DAG1: variants seen among roughly 807,000 people sequenced by gnomAD.
DAG1 encodes the protein dystroglycan 1 (dystrophin-associated glycoprotein 1).
Under a neutral mutation model 46.1 loss-of-function variants are expected in DAG1, and 8 were observed. That is an observed-to-expected ratio of 0.17 (90% confidence interval 0.10 to 0.31). The LOEUF (loss-of-function observed/expected upper bound fraction) is 0.31, where lower values mean the gene tolerates loss of function less well. DAG1 is among the 10% of genes least tolerant of loss of function. The pLI is 1.00. For synonymous variants in DAG1, 495 were observed against 481.8 expected, an observed-to-expected ratio of 1.03 and a Z score of -0.36; for missense variants, 1,003 against 1,189.9, an observed-to-expected ratio of 0.84 and a Z score of 2.31.
intron 2 of DAG1, among the ~76,000 whole-genome samples, chr3:49,515,574 A>G (rs2107703770): frequency 1.3e-5 from 2 of 151,124 alleles, no homozygotes; most frequent in Admixed American, 1.3e-4. Context: ...TTTTGTAGAG[A>G]TGGGTCTCAC....
chr3:49,524,808 C>A (rs964860369), intron 2 of DAG1, among the ~76,000 whole-genome samples: 3 of 151,872 alleles, frequency 2.0e-5, no homozygotes, highest in Non-Finnish European at 2.9e-5. Context: ...TATAATGAGA[C>A]CCTGTCTCTA....
intron 2 of DAG1, among the ~76,000 whole-genome samples, chr3:49,525,059 G>A (rs1455308064): frequency 6.6e-6 from 1 of 152,110 alleles, no homozygotes; most frequent in African/African-American, 2.4e-5. Flanking sequence ...CACTCAAAGT[G>A]CTGCTTGGGC....
At chr3:49,514,672 C>G (rs1271446646) in intron 2 of DAG1, among the ~76,000 whole-genome samples, 1 of 151,280 alleles carries the variant, frequency 6.6e-6, no homozygotes, top group East Asian at 2.0e-4. Context: ...GAGTTTCGCT[C>G]TTGTCGCCCA....
intron 2 of DAG1, among the ~76,000 whole-genome samples, chr3:49,519,348 G>A (rs1470798087): frequency 6.6e-6 from 1 of 152,172 alleles, no homozygotes; most frequent in East Asian, 1.9e-4. Flanking sequence ...CTTCTTGCCT[G>A]CAGACAATGT....
At chr3:49,503,177 G>T (rs2050504719) in intron 1 of DAG1, among the ~76,000 whole-genome samples, 1 of 152,162 alleles carries the variant, frequency 6.6e-6, no homozygotes, top group Non-Finnish European at 1.5e-5. Flanking sequence ...GTCTTCTCCA[G>T]GGTGCTAGGG....
At chr3:49,516,908 C>T (rs144241408) in intron 2 of DAG1, among the ~76,000 whole-genome samples, 1 of 150,472 alleles carries the variant, frequency 6.6e-6, no homozygotes, top group East Asian at 2.0e-4. Context: ...TTTTAGATGA[C>T]AAAGTGGTAG....
intron 2 of DAG1, among the ~76,000 whole-genome samples, chr3:49,530,595 A>G (rs1022194003): frequency 1.3e-5 from 2 of 152,146 alleles, no homozygotes; most frequent in East Asian, 1.9e-4. Context: ...TTTGCCTCCC[A>G]AGTTAGCCCA....
chr3:49,481,723 A>G (rs1575345141), intron 1 of DAG1, among the ~76,000 whole-genome samples: 1 of 152,204 alleles, frequency 6.6e-6, no homozygotes, highest in East Asian at 1.9e-4. Flanking sequence ...GATATGTCGT[A>G]TTCAGGGAAA....
At chr3:49,493,065 G>A (rs1409858070) in intron 1 of DAG1, 1 of 88,414 alleles carries the variant, frequency 1.1e-5, no homozygotes, top group Non-Finnish European at 2.0e-5. Context: ...TTTTTGAGAC[G>A]ACAGGGTCTT....
At chr3:49,471,254 A>G (rs188043027) in intron 1 of DAG1, among the ~76,000 whole-genome samples, 2 of 152,162 alleles carry the variant, frequency 1.3e-5, no homozygotes, top group African/African-American at 4.8e-5. Flanking sequence ...TGCTTCCCTA[A>G]ATAAGCGAGT....
At chr3:49,506,334 A>G (rs929400656) in intron 1 of DAG1, among the ~76,000 whole-genome samples, 2 of 152,210 alleles carry the variant, frequency 1.3e-5, no homozygotes, top group African/African-American at 4.8e-5. Flanking sequence ...ATTATGTTGT[A>G]TATGAATGGT....
At position 49,500,213 on chromosome 3, in the gene DAG1, A is replaced by C. The variant is rs556697031; in HGVS notation, c.-116-10206A>C. Among the ~76,000 whole-genome samples the C allele has an allele frequency of 3.9e-5, 6 of 152,208 alleles. No individual in the cohort carries two copies. In the South Asian group the frequency reaches 1.0e-3, roughly 26 times the overall value. ...TTTTTAGTAGAGATGGGGTTTCACC[A>C]TGTTGGCCGGGCTGGTCTTGAACTC... On this transcript the variant is annotated intron_variant, in intron 1 of 2. Coordinates refer to ENST00000308775, the MANE Select transcript of DAG1 (RefSeq NM_004393.6).
At chr3:49,522,451 A>T (rs1018867277) in intron 2 of DAG1, among the ~76,000 whole-genome samples, 2 of 144,550 alleles carry the variant, frequency 1.4e-5, no homozygotes, top group Non-Finnish European at 3.0e-5. Context: ...GGCTTGAGCC[A>T]CCACGCCCGC....
rs758190062 is a variant in DAG1, at chr3:49,531,598, C to G, written c.1087C>G (p.Pro363Ala). Residue 363 changes from proline (P) to alanine (A), a missense_variant, in exon 3 of 3, where the codon CCT (proline) becomes GCT (alanine). By Grantham distance (27) the Pro-to-Ala change is conservative. Coordinates refer to ENST00000308775, the MANE Select transcript of DAG1 (RefSeq NM_004393.6). This position sits in a 1 kb window ranked among gnomAD's most constrained non-coding sequence, Gnocchi z 7.0. ...GGCTCCTCCAGTCAGGGATCCTGTT[C>G]CTGGGAAACCCACGGTCACCATCCG... ...TMAPPVRDPV[P>A]GKPTVTIRTR... 3 of 1,613,110 alleles carry G rather than the reference C, an allele frequency of 1.9e-6. No individual in the cohort carries two copies. In the Admixed American group the frequency reaches 5.0e-5, roughly 27 times the overall value.
In DAG1 at chr3:49,510,642, A is replaced by C. The variant is rs1289056506; in HGVS notation, c.108A>C (p.Ser36=). ...MAQSHWPSEP[S]EAVRDWENQL... is the part of the protein sequence containing the mutation. Reference sequence around the variant, plus strand: ...AGTCCCACTGGCCCAGTGAACCCTCAGAGGCTGTCAGGGACTGGGAAAACC... The same window carrying C: ...AGTCCCACTGGCCCAGTGAACCCTCCGAGGCTGTCAGGGACTGGGAAAACC... Residue 36 remains serine (S), a synonymous_variant, in exon 2 of 3, where the codon TCA becomes TCC. Transcript: ENST00000308775. 6 of 1,614,034 alleles carry C rather than the reference A, an allele frequency of 3.7e-6. No homozygotes were observed. The highest frequency in any genetic ancestry group is 3.3e-5 in the South Asian group (3 of 91,064).
Position 49,530,982 on chromosome 3 carries a change from C to T in DAG1, c.471C>T (p.Tyr157=), listed in dbSNP as rs148393291. The change falls in exon 3 of 3, where the codon TAC becomes TAT. Residue 157 remains tyrosine (Y), a synonymous_variant. Transcript: ENST00000308775. ...CCAGTGTGTTCTCCATCGAGGTCTA[C>T]CCTGAAGACCACAGTGAGCTGCAGT... The part of the protein sequence containing the change: ...QTSSVFSIEV[Y]PEDHSELQSV... The T allele has an allele frequency of 3.1e-6, 5 of 1,614,066 alleles. No homozygotes were observed. The highest frequency in any genetic ancestry group is 4.2e-6 in the Non-Finnish European group (5 of 1,180,048).
intron 1 of DAG1, among the ~76,000 whole-genome samples, chr3:49,496,759 T>C (rs2050323644): frequency 6.6e-6 from 1 of 151,914 alleles, no homozygotes; most frequent in Non-Finnish European, 1.5e-5. Flanking sequence ...CCTGAGTAGC[T>C]GGGACTACAG....
At chr3:49,508,547 C>T (rs996673020) in intron 1 of DAG1, among the ~76,000 whole-genome samples, 2 of 152,116 alleles carry the variant, frequency 1.3e-5, no homozygotes, top group Non-Finnish European at 2.9e-5. Flanking sequence ...TTCAGGCGTG[C>T]ACCACCACGC....
Position 49,532,864 on chromosome 3 carries a change from C to T in DAG1, c.2353C>T (p.Leu785Phe). Residue 785 changes from leucine to phenylalanine, a missense_variant, in exon 3 of 3, where the codon CTT becomes TTT. This residue lies in a region of DAG1 where 755 missense variants were observed against 854.1 expected (regional missense o/e 0.88). Coordinates refer to ENST00000308775, the MANE Select transcript of DAG1 (RefSeq NM_004393.6). The surrounding 1 kb of genome is among the most constrained non-coding windows in gnomAD (Gnocchi z 5.4). ...CAAGAAGCGGAAGGGCAAGCTTACC[C>T]TTGAGGACCAGGCCACCTTCATCAA... ...YRKKRKGKLT[L>F]EDQATFIKKG... is the part of the protein sequence containing the mutation. 2.5e-6 allele frequency: 4 copies of T among 1,614,136 alleles called. No homozygotes were observed. Among genetic ancestry groups the T allele is most frequent in the Non-Finnish European group, 2.5e-6 (3 of 1,180,018 alleles).
Sources: gnomAD v4.1 joint callset for allele counts (sites outside exome capture counted in the v4.1 genomes callset) on GRCh38, gnomAD v4.1.1 for gene constraint, gnomAD v4.1.1 regional missense constraint, Gnocchi (gnomAD v3.1) non-coding constraint, MANE v1.5 for transcripts, NCBI Gene and HGNC (gene_info 2026-07-23, HGNC 2026-07-21) for gene names.